Variants in PRIMA1 observed in about 807,000 individuals in gnomAD.
PRIMA1 encodes proline rich membrane anchor 1.
A neutral mutation model predicts 17.5 loss-of-function variants in PRIMA1; 7 were observed. That is an observed-to-expected ratio of 0.40 (90% CI 0.23 to 0.75). The LOEUF is 0.75. Ranked by LOEUF, PRIMA1 falls within the 30% of genes least tolerant of loss-of-function variation. PRIMA1 has a pLI of 0.37. For missense variants in PRIMA1, 200 were observed against 201.8 expected, an observed-to-expected ratio of 0.99 and a Z score of 0.05; for synonymous variants, 97 against 77.9, an observed-to-expected ratio of 1.25 and a Z score of -1.29.
chr14:93,730,781 C>T (rs937332201), intron 4 of PRIMA1, among the ~76,000 whole-genome samples: 1 of 152,162 alleles, frequency 6.6e-6, no homozygotes, highest in Non-Finnish European at 1.5e-5. Context: ...CACTGATTAA[C>T]TTTCTATTGA....
intron 3 of PRIMA1, among the ~76,000 whole-genome samples, chr14:93,761,117 G>A (rs112287662): frequency 1.2e-3 from 181 of 152,100 alleles, no homozygotes; most frequent in Non-Finnish European, 2.3e-3. Flanking sequence ...AGGCCAAGGC[G>A]GGTGGATCAC....
At position 93,737,256 on chromosome 14, in the gene PRIMA1, T is replaced by A; in HGVS notation, c.344A>T (p.Tyr115Phe). Residue 115 changes from tyrosine (Y) to phenylalanine (F), a missense_variant, in exon 4 of 5, where the codon TAC (tyrosine) becomes TTC (phenylalanine). By Grantham distance (22) the Tyr-to-Phe change is conservative (BLOSUM62 3). Transcript: ENST00000393140. The part of the protein sequence containing the change: ...VFLTVLVIIC[Y>F]KAIKRKPLRK... ...GAGCACTCACCTTTTTATGGCTTTG[T>A]AGCAAATGATGACAAGCACAGTCAG... 6.2e-7 allele frequency: 1 copy of A among 1,614,110 alleles called. No homozygotes were observed. Among genetic ancestry groups the A allele is most frequent in the South Asian group, 1.1e-5 (1 of 91,072 alleles).
At chr14:93,744,752 A>G (rs547650646) in intron 3 of PRIMA1, among the ~76,000 whole-genome samples, 1 of 152,060 alleles carries the variant, frequency 6.6e-6, no homozygotes, top group South Asian at 2.1e-4. Flanking sequence ...AGTCTCCCCA[A>G]TTCCTCCCTC....
Position 93,787,637 on chromosome 14 carries a change from C to T in PRIMA1, c.82G>A (p.Gly28Ser), listed in dbSNP as rs750307297. The T allele has an allele frequency of 6.8e-5, 105 of 1,541,910 alleles. 2 individuals are homozygous for T. The South Asian group carries it at 1.2e-3, about 18-fold the overall frequency. Residue 28 changes from glycine to serine, a missense_variant, in exon 2 of 5, where the codon GGC (glycine) becomes AGC (serine). By Grantham distance (56) the Gly-to-Ser change is moderately conservative. Coordinates refer to ENST00000393140, the MANE Select transcript of PRIMA1 (RefSeq NM_178013.4). ...CCGGCGCGTCTCACCTGCACGAAGCCCCAGAGCGGGTGGAGCGCGCAGTGC... is the reference window on the plus strand; with the variant it reads ...CCGGCGCGTCTCACCTGCACGAAGCTCCAGAGCGGGTGGAGCGCGCAGTGC... ...LLHCALHPLW[G>S]FVQVTHGEPQ...
rs776257256 is a variant in PRIMA1, at chr14:93,737,300, G to A, written c.300C>T (p.Cys100=). The A allele has an allele frequency of 2.5e-6, 4 of 1,614,198 alleles. No individual in the cohort carries two copies. In the East Asian group the frequency reaches 6.7e-5, roughly 27 times the overall value. Residue 100 remains cysteine (C), a synonymous_variant, in exon 4 of 5, where the codon TGC becomes TGT. Coordinates refer to ENST00000393140, the MANE Select transcript of PRIMA1 (RefSeq NM_178013.4). ...WSGLVIIIAV[C]CASLVFLTVL... is the part of the protein sequence containing the mutation. ...CAGTCAGAAACACCAGGGAGGCACAGCATACGGCAATGATGATCACCAGCC... is the reference window on the plus strand; with the variant it reads ...CAGTCAGAAACACCAGGGAGGCACAACATACGGCAATGATGATCACCAGCC...
intron 4 of PRIMA1, among the ~76,000 whole-genome samples, chr14:93,724,219 T>G (rs1205805073): frequency 6.6e-6 from 1 of 152,182 alleles, no homozygotes; most frequent in Admixed American, 6.5e-5. Context: ...CCTCATCAAC[T>G]TGGGAAAGCC....
chr14:93,783,641 C>G (rs1253558830), intron 2 of PRIMA1, among the ~76,000 whole-genome samples: 1 of 152,250 alleles, frequency 6.6e-6, no homozygotes, highest in Non-Finnish European at 1.5e-5. Flanking sequence ...CTAAAGCCCA[C>G]AGAACGCAGG....
chr14:93,778,352 G>A (rs1444441686), intron 3 of PRIMA1, among the ~76,000 whole-genome samples: 1 of 152,214 alleles, frequency 6.6e-6, no homozygotes, highest in Non-Finnish European at 1.5e-5. Context: ...AAATTGCAAA[G>A]ATCCTCCAGA....
At chr14:93,783,782 T>G (rs1885446561) in intron 2 of PRIMA1, among the ~76,000 whole-genome samples, 1 of 152,232 alleles carries the variant, frequency 6.6e-6, no homozygotes, top group African/African-American at 2.4e-5. Flanking sequence ...AGGTATGTCC[T>G]GGAGTCCCCT....
chr14:93,781,457 C>T (rs902898252), intron 2 of PRIMA1, among the ~76,000 whole-genome samples: 9 of 152,246 alleles, frequency 5.9e-5, no homozygotes, highest in Non-Finnish European at 1.2e-4. Flanking sequence ...AGTGTGTGAA[C>T]TTCAAGCAAT....
chr14:93,769,956 T>C (rs1184859390), intron 3 of PRIMA1, among the ~76,000 whole-genome samples: 1 of 152,128 alleles, frequency 6.6e-6, no homozygotes, highest in Non-Finnish European at 1.5e-5. Flanking sequence ...ATCACAGATA[T>C]CAGGAGGACC....
Position 93,721,257 on chromosome 14 carries a change from T to C in PRIMA1, c.*187A>G. 3.5e-6 allele frequency: 2 copies of C among 567,806 alleles called. No homozygotes were observed. The highest frequency in any genetic ancestry group is 6.3e-6 in the Non-Finnish European group (2 of 319,668). 35.2% of individuals were successfully genotyped at this position (567,806 alleles called of 1,614,324 possible). On this transcript the variant is annotated 3_prime_UTR_variant, in exon 5 of 5. Transcript: ENST00000393140. ...GCCGGGCTCAGCCTGGTGTCCGAGC[T>C]GCCTGGGCCCGCAGGCTGACCAGGG...
At chr14:93,786,527 G>A (rs1328301814) in intron 2 of PRIMA1, among the ~76,000 whole-genome samples, 4 of 152,076 alleles carry the variant, frequency 2.6e-5, no homozygotes, top group South Asian at 2.1e-4. Context: ...GGTCTTGCCC[G>A]CATCCCTTTT....
At chr14:93,750,591 C>T (rs191180360) in intron 3 of PRIMA1, among the ~76,000 whole-genome samples, 6 of 152,276 alleles carry the variant, frequency 3.9e-5, no homozygotes, top group South Asian at 2.1e-4. Flanking sequence ...ACAGACACAC[C>T]TATTTGTTTA....
chr14:93,762,960 G>A (rs28739556), intron 3 of PRIMA1, among the ~76,000 whole-genome samples: 23,940 of 152,022 alleles, frequency 0.16, 3,361 homozygotes, highest in African/African-American at 0.38. Flanking sequence ...ACCTCTGCCA[G>A]CCTCCACTCA....
At chr14:93,750,543 G>A (rs968477068) in intron 3 of PRIMA1, among the ~76,000 whole-genome samples, 5 of 152,254 alleles carry the variant, frequency 3.3e-5, no homozygotes, top group East Asian at 1.9e-4. Flanking sequence ...GCCAAATCTG[G>A]CCCACCACCT....
chr14:93,759,601 G>A (rs980411987), intron 3 of PRIMA1, among the ~76,000 whole-genome samples: 1 of 152,176 alleles, frequency 6.6e-6, no homozygotes, highest in African/African-American at 2.4e-5. Context: ...TGACGGAGAG[G>A]GCTAGAGAGG....
chr14:93,759,554 G>A (rs144195640), intron 3 of PRIMA1, among the ~76,000 whole-genome samples: 13 of 152,312 alleles, frequency 8.5e-5, no homozygotes, highest in African/African-American at 2.2e-4. Flanking sequence ...GTGCATGCAC[G>A]TGGGAGGAGT....
chr14:93,731,794 T>C (rs1012720354), intron 4 of PRIMA1, among the ~76,000 whole-genome samples: 3 of 152,214 alleles, frequency 2.0e-5, no homozygotes, highest in Non-Finnish European at 2.9e-5. Flanking sequence ...CCAGCACACA[T>C]TAGGTGCTCA....
Sources: gnomAD v4.1 joint callset for allele counts (sites outside exome capture counted in the v4.1 genomes callset) on GRCh38, gnomAD v4.1.1 for gene constraint, MANE v1.5 for transcripts, NCBI Gene and HGNC (gene_info 2026-07-23, HGNC 2026-07-21) for gene names.